DLC1: variants seen among roughly 807,000 people sequenced by gnomAD.
DLC1 encodes DLC1 Rho GTPase activating protein.
DLC1 carries 54 observed loss-of-function variants against 140.3 expected under a neutral mutation model. That is an observed-to-expected ratio of 0.38 (90% CI 0.31 to 0.48). The LOEUF (loss-of-function observed/expected upper bound fraction) is 0.48, where lower values mean the gene tolerates loss of function less well. Among genes scored for constraint, DLC1 ranks in the 20% least tolerant of loss-of-function variants. DLC1 has a pLI of 0.96. For missense variants in DLC1, 2,536 were observed against 1,907.0 expected, an observed-to-expected ratio of 1.33 and a Z score of -6.14; for synonymous variants, 986 against 728.1, an observed-to-expected ratio of 1.35 and a Z score of -5.70.
At chr8:13,337,893 G>A (rs1833874289) in intron 4 of DLC1, among the ~76,000 whole-genome samples, 1 of 151,958 alleles carries the variant, frequency 6.6e-6, no homozygotes. Flanking sequence ...TAAACTCCAT[G>A]AAAAAAATCC....
At chr8:13,454,950 G>C (rs188055963) in intron 2 of DLC1, among the ~76,000 whole-genome samples, 12 of 152,160 alleles carry the variant, frequency 7.9e-5, no homozygotes, top group Admixed American at 6.5e-4. Context: ...GCATGTTTGG[G>C]ACTTCTTTGA....
chr8:13,144,531 C>G (rs563191913), intron 5 of DLC1, among the ~76,000 whole-genome samples: 2 of 152,140 alleles, frequency 1.3e-5, no homozygotes, highest in East Asian at 3.9e-4. Flanking sequence ...TTTGGGAGGC[C>G]GAGGCAGGCA....
At chr8:13,149,357 T>C (rs1164601918) in intron 5 of DLC1, among the ~76,000 whole-genome samples, 1 of 152,202 alleles carries the variant, frequency 6.6e-6, no homozygotes, top group African/African-American at 2.4e-5. Flanking sequence ...TTCTGGGCAT[T>C]AATATTCTTC....
rs1475550468 is a variant in DLC1 at position 13,579,338 on chromosome 8, TA to T, written c.-126+25198del. Among the ~76,000 whole-genome samples, 186 of 22,272 alleles carry T rather than the reference TA, an allele frequency of 8.4e-3. 35 individuals are homozygous for T. The highest frequency in any genetic ancestry group is 0.025 in the African/African-American group (159 of 6,364). The allele number at this position is 22,272 out of a possible 152,430, so 14.6% of individuals were successfully genotyped here. On this transcript the variant is annotated intron_variant, in intron 1 of 1. Coordinates refer to the DLC1 transcript ENST00000631382. Reference sequence around the variant, plus strand: ...CTTTATATATATATATATATATATATATATATATATATATATATATATATTT... The same window carrying T: ...CTTTATATATATATATATATATATATTATATATATATATATATATATATTT...
chr8:13,133,086 C>T, intron 5 of DLC1: 1 of 1,529,222 alleles, frequency 6.5e-7, no homozygotes, highest in African/African-American at 1.4e-5. Flanking sequence ...CGCGCGCCCT[C>T]GCGGTCCTCA....
At chr8:13,525,665 T>C (rs940037039) in intron 1 of DLC1, among the ~76,000 whole-genome samples, 2 of 152,206 alleles carry the variant, frequency 1.3e-5, no homozygotes, top group African/African-American at 4.8e-5. Flanking sequence ...TTGTCCATTT[T>C]CCAAAATTGG....
chr8:13,346,819 C>G (rs1178507909), intron 4 of DLC1, among the ~76,000 whole-genome samples: 2 of 152,154 alleles, frequency 1.3e-5, no homozygotes, highest in Non-Finnish European at 2.9e-5. Context: ...TCTATCTCCT[C>G]TTGGATCCAA....
intron 5 of DLC1, among the ~76,000 whole-genome samples, chr8:13,262,280 G>A (rs572722368): frequency 3.9e-5 from 6 of 152,090 alleles, no homozygotes; most frequent in African/African-American, 1.2e-4. Context: ...TTGAAGAAGA[G>A]AACAATTTTA....
rs545188103 is a variant in DLC1, at chr8:13,585,730, A to C, written c.-126+18807T>G. 1.1e-3 allele frequency among the ~76,000 whole-genome samples: 160 copies of C among 152,266 alleles called. No homozygotes were observed. The Middle Eastern group carries it at 0.02, about 19-fold the overall frequency. On this transcript the variant is annotated intron_variant, in intron 1 of 1. Transcript: ENST00000631382. ...TTTTTGGTGTTCCTTGGCTTGTAGG[A>C]ACATCACCCTGATTTCTTCTTTCAC...
chr8:13,295,686 G>A (rs1831916279), intron 5 of DLC1, among the ~76,000 whole-genome samples: 1 of 152,150 alleles, frequency 6.6e-6, no homozygotes, highest in African/African-American at 2.4e-5. Context: ...GGGTCAATAC[G>A]AGAAGTATAG....
intron 2 of DLC1, among the ~76,000 whole-genome samples, chr8:13,431,600 C>T (rs1241051871): frequency 2.0e-5 from 3 of 146,706 alleles, no homozygotes; most frequent in Non-Finnish European, 4.5e-5. Flanking sequence ...GGTAAGATTT[C>T]TCAATGCCAT....
intron 2 of DLC1, among the ~76,000 whole-genome samples, chr8:13,412,869 T>C (rs940569152): frequency 6.8e-6 from 1 of 147,470 alleles, no homozygotes; most frequent in Non-Finnish European, 1.5e-5. Flanking sequence ...GAGGCGGAGC[T>C]TGCAGTAAGC....
intron 5 of DLC1, among the ~76,000 whole-genome samples, chr8:13,125,733 G>T (rs902320049): frequency 6.6e-6 from 1 of 151,280 alleles, no homozygotes. Context: ...TTTAAGTTTT[G>T]TTCATTTTTT....
chr8:13,431,542 A>ACTCTGT (rs1189036296), intron 2 of DLC1, among the ~76,000 whole-genome samples: 1 of 148,246 alleles, frequency 6.7e-6, no homozygotes, highest in Non-Finnish European at 1.5e-5. Flanking sequence ...TGATGTCACA[A>ACTCTGT]CTCTGTCTCT....
intron 2 of DLC1, among the ~76,000 whole-genome samples, chr8:13,444,405 A>G (rs529135214): frequency 6.6e-6 from 1 of 152,152 alleles, no homozygotes; most frequent in African/African-American, 2.4e-5. Context: ...CTATGTAACA[A>G]ACCTGCACAT....
intron 2 of DLC1, among the ~76,000 whole-genome samples, chr8:13,473,946 T>A (rs1035510013): frequency 8.5e-5 from 13 of 152,160 alleles, no homozygotes; most frequent in Non-Finnish European, 1.8e-4. Flanking sequence ...GACAATGTGA[T>A]AGAAAAGAAA....
At chr8:13,149,720 C>T (rs540477043) in intron 5 of DLC1, among the ~76,000 whole-genome samples, 4 of 152,188 alleles carry the variant, frequency 2.6e-5, no homozygotes, top group Non-Finnish European at 5.9e-5. Context: ...GCCTTAGGAG[C>T]AGTTGGAAGA....
At chr8:13,590,524 G>C (rs751105306) in intron 1 of DLC1, among the ~76,000 whole-genome samples, 37 of 152,072 alleles carry the variant, frequency 2.4e-4, no homozygotes, top group Non-Finnish European at 4.4e-4. Context: ...GAAGACACCA[G>C]TGTTTTCTAT....
intron 4 of DLC1, among the ~76,000 whole-genome samples, chr8:13,318,747 A>G (rs1406531432): frequency 6.6e-6 from 1 of 152,244 alleles, no homozygotes; most frequent in African/African-American, 2.4e-5. Context: ...AAACATTAAC[A>G]CAAAGGTAAG....
Sources: allele counts gnomAD v4.1 joint callset (sites outside exome capture counted in the v4.1 genomes callset), GRCh38; gene constraint gnomAD v4.1.1; transcripts MANE v1.5; gene names NCBI Gene and HGNC (gene_info 2026-07-23, HGNC 2026-07-21).